Variants in SGCZ observed in about 807,000 individuals in gnomAD.
SGCZ encodes the protein zeta-sarcoglycan.
In SGCZ, 40 loss-of-function variants were observed where a neutral mutation model predicts 41.3. The observed-to-expected ratio is 0.97, with a 90% CI of 0.75 to 1.26. The LOEUF (loss-of-function observed/expected upper bound fraction) is 1.26, where lower values mean the gene tolerates loss of function less well. SGCZ is among the 50% of genes most tolerant of loss of function. The pLI, the probability that SGCZ is intolerant of heterozygous loss-of-function variation, is 0.00. For synonymous variants in SGCZ, 206 were observed against 137.5 expected, an observed-to-expected ratio of 1.50 and a Z score of -3.49; for missense variants, 552 against 369.8, an observed-to-expected ratio of 1.49 and a Z score of -4.04.
At chr8:14,334,837 C>T (rs748617516) in intron 2 of SGCZ, among the ~76,000 whole-genome samples, 1 of 152,108 alleles carries the variant, frequency 6.6e-6, no homozygotes, top group Non-Finnish European at 1.5e-5. Flanking sequence ...CACTTTTTTA[C>T]TTCTTCATAT....
chr8:15,220,548 G>A (rs998655367), intron 1 of SGCZ, among the ~76,000 whole-genome samples: 4 of 152,024 alleles, frequency 2.6e-5, no homozygotes, highest in Admixed American at 1.3e-4. Flanking sequence ...CTCAACTAGA[G>A]TAGGAACTCT....
At chr8:15,080,589 C>CTTTA (rs1295259772) in intron 1 of SGCZ, among the ~76,000 whole-genome samples, 12 of 151,784 alleles carry the variant, frequency 7.9e-5, no homozygotes, top group African/African-American at 2.7e-4. Flanking sequence ...TGCTTGGTAT[C>CTTTA]TTTATTTATT....
At chr8:15,096,050 GAGA>G (rs1040905465) in intron 1 of SGCZ, among the ~76,000 whole-genome samples, 6 of 151,890 alleles carry the variant, frequency 4.0e-5, no homozygotes, top group Non-Finnish European at 7.4e-5. Context: ...TAATCCATAC[GAGA>G]AGTAGTTTCT....
intron 1 of SGCZ, among the ~76,000 whole-genome samples, chr8:14,730,267 T>G (rs1159283570): frequency 6.6e-6 from 1 of 152,132 alleles, no homozygotes; most frequent in Non-Finnish European, 1.5e-5. Flanking sequence ...TATTGCTTAT[T>G]CATTTGAGAA....
At chr8:14,747,088 G>A (rs149156120) in intron 1 of SGCZ, among the ~76,000 whole-genome samples, 3 of 151,964 alleles carry the variant, frequency 2.0e-5, no homozygotes, top group African/African-American at 7.3e-5. Context: ...TTTCAATTGG[G>A]GTAAGATTGT....
intron 1 of SGCZ, among the ~76,000 whole-genome samples, chr8:14,966,995 T>C (rs997078245): frequency 6.6e-6 from 1 of 152,180 alleles, no homozygotes; most frequent in African/African-American, 2.4e-5. Flanking sequence ...TATTCATTCC[T>C]TGTACAATTA....
intron 3 of SGCZ, among the ~76,000 whole-genome samples, chr8:14,285,927 C>T (rs1800606594): frequency 6.6e-6 from 1 of 152,010 alleles, no homozygotes; most frequent in Non-Finnish European, 1.5e-5. Context: ...TAGAATACAA[C>T]ATTCGCTGTA....
chr8:14,533,675 T>A (rs542176833), intron 2 of SGCZ, among the ~76,000 whole-genome samples: 8 of 152,030 alleles, frequency 5.3e-5, no homozygotes, highest in Non-Finnish European at 1.0e-4. Context: ...TACTCTTTTA[T>A]CCATCAACAG....
intron 1 of SGCZ, among the ~76,000 whole-genome samples, chr8:14,607,220 A>T (rs976860709): frequency 1.1e-4 from 17 of 152,218 alleles, no homozygotes; most frequent in Non-Finnish European, 4.4e-5. Context: ...TGAAAATTAA[A>T]TAAAATGTAG....
chr8:14,561,526 G>T (rs765320226), intron 1 of SGCZ, among the ~76,000 whole-genome samples: 1 of 152,006 alleles, frequency 6.6e-6, no homozygotes, highest in Admixed American at 6.6e-5. Flanking sequence ...GGTTTTCTTG[G>T]CTACTTACAG....
At chr8:15,077,278 C>T (rs1262823335) in intron 1 of SGCZ, among the ~76,000 whole-genome samples, 1 of 152,064 alleles carries the variant, frequency 6.6e-6, no homozygotes, top group East Asian at 1.9e-4. Context: ...AGAAATAAAC[C>T]AGGTAAATTG....
intron 1 of SGCZ, among the ~76,000 whole-genome samples, chr8:15,152,216 G>A (rs376792331): frequency 2.6e-5 from 4 of 152,248 alleles, no homozygotes; most frequent in African/African-American, 9.6e-5. Flanking sequence ...TGAATCACAG[G>A]AAACAGGTTC....
intron 1 of SGCZ, among the ~76,000 whole-genome samples, chr8:14,633,686 G>T (rs1806732694): frequency 6.6e-6 from 1 of 151,782 alleles, no homozygotes; most frequent in Admixed American, 6.6e-5. Context: ...TCTAATTTTA[G>T]ATTAGCTTTA....
chr8:15,083,576 T>C (rs1464566005), intron 1 of SGCZ, among the ~76,000 whole-genome samples: 1 of 152,120 alleles, frequency 6.6e-6, no homozygotes. Flanking sequence ...TTAGAGACAG[T>C]ATCTCATTGT....
chr8:14,376,871 A>C (rs953855707), intron 2 of SGCZ, among the ~76,000 whole-genome samples: 2 of 152,218 alleles, frequency 1.3e-5, no homozygotes, highest in Non-Finnish European at 2.9e-5. Context: ...TGCCAGTTAA[A>C]TATTGGAAAA....
chr8:15,069,775 C>T (rs188483792), intron 1 of SGCZ, among the ~76,000 whole-genome samples: 9 of 152,298 alleles, frequency 5.9e-5, no homozygotes, highest in Non-Finnish European at 1.0e-4. Context: ...TTCTAGATTA[C>T]TCATACAAAA....
chr8:14,919,644 G>A (rs1799534042), intron 1 of SGCZ, among the ~76,000 whole-genome samples: 1 of 152,144 alleles, frequency 6.6e-6, no homozygotes, highest in Non-Finnish European at 1.5e-5. Context: ...CAAGCTGGGT[G>A]CGATGGCTCA....
intron 5 of SGCZ, among the ~76,000 whole-genome samples, chr8:14,127,791 G>C (rs1363634131): frequency 1.3e-5 from 2 of 152,170 alleles, no homozygotes; most frequent in South Asian, 4.2e-4. Flanking sequence ...TTTATAATTG[G>C]AGATACATGT....
At chr8:14,861,939 T>G (rs531359933) in intron 1 of SGCZ, among the ~76,000 whole-genome samples, 1 of 152,216 alleles carries the variant, frequency 6.6e-6, no homozygotes, top group East Asian at 1.9e-4. Flanking sequence ...TTTGTTAATT[T>G]ATACCAGTGA....
Sources: allele counts gnomAD v4.1 joint callset (sites outside exome capture counted in the v4.1 genomes callset), GRCh38; gene constraint gnomAD v4.1.1; transcripts MANE v1.5; gene names NCBI Gene and HGNC (gene_info 2026-07-23, HGNC 2026-07-21).